RBMS3: variants seen among roughly 807,000 people sequenced by gnomAD.
The protein encoded by RBMS3 is RNA-binding motif, single-stranded-interacting protein 3.
RBMS3 carries 27 observed loss-of-function variants against 66.8 expected under a neutral mutation model. The observed-to-expected ratio is 0.40, with a 90% CI of 0.30 to 0.56. The LOEUF is 0.56. Ranked by LOEUF, RBMS3 falls within the 20% of genes least tolerant of loss-of-function variation. RBMS3 has a pLI of 0.40. For missense variants in RBMS3, 513 were observed against 549.5 expected, an observed-to-expected ratio of 0.93 and a Z score of 0.66; for synonymous variants, 188 against 183.0, an observed-to-expected ratio of 1.03 and a Z score of -0.22.
At chr3:29,578,700 A>T (rs2047209598) in intron 3 of RBMS3, among the ~76,000 whole-genome samples, 1 of 152,078 alleles carries the variant, frequency 6.6e-6, no homozygotes, top group Non-Finnish European at 1.5e-5. Flanking sequence ...CGGCTCTATA[A>T]GGAAATTTAG....
chr3:29,560,969 T>G (rs2149048048), intron 3 of RBMS3, among the ~76,000 whole-genome samples: 1 of 152,344 alleles, frequency 6.6e-6, no homozygotes, highest in Non-Finnish European at 1.5e-5. Context: ...TAGCTCCAAC[T>G]TATAAGTGAT....
intron 3 of RBMS3, among the ~76,000 whole-genome samples, chr3:29,542,225 A>G (rs1168057299): frequency 6.6e-6 from 1 of 152,152 alleles, no homozygotes; most frequent in Admixed American, 6.5e-5. Context: ...GAAAATAATA[A>G]CTATCCCCCT....
At chr3:29,488,077 G>T (rs1046749187) in intron 2 of RBMS3, among the ~76,000 whole-genome samples, 1 of 152,190 alleles carries the variant, frequency 6.6e-6, no homozygotes, top group East Asian at 1.9e-4. Context: ...TACAACACAA[G>T]GTGAGAGTCA....
chr3:29,982,055 G>A (rs1698032225), intron 12 of RBMS3, among the ~76,000 whole-genome samples: 1 of 152,100 alleles, frequency 6.6e-6, no homozygotes, highest in Non-Finnish European at 1.5e-5. Flanking sequence ...ATCTGCTCCT[G>A]GGCTTTTTTT....
At chr3:29,403,569 A>G (rs2039896825) in intron 1 of RBMS3, among the ~76,000 whole-genome samples, 1 of 152,124 alleles carries the variant, frequency 6.6e-6, no homozygotes, top group Admixed American at 6.6e-5. Context: ...GGCAGATCAG[A>G]CTGGAAGAAG....
intron 6 of RBMS3, among the ~76,000 whole-genome samples, chr3:29,792,652 G>A (rs1465500368): frequency 6.6e-6 from 1 of 152,150 alleles, no homozygotes; most frequent in African/African-American, 2.4e-5. Context: ...GTATCTGACA[G>A]GAGAATCAAA....
chr3:29,859,047 G>A (rs1003323264), intron 6 of RBMS3, among the ~76,000 whole-genome samples: 9 of 152,044 alleles, frequency 5.9e-5, no homozygotes, highest in African/African-American at 2.2e-4. Flanking sequence ...ATAAAATTAG[G>A]CATGTGCATG....
At chr3:29,933,645 ATTTTATT>A (rs1205950309) in intron 10 of RBMS3, among the ~76,000 whole-genome samples, 2 of 152,092 alleles carry the variant, frequency 1.3e-5, no homozygotes, top group Non-Finnish European at 2.9e-5. Flanking sequence ...AAGAATCCTT[ATTTTATT>A]TTTTATTTAT....
intron 2 of RBMS3, among the ~76,000 whole-genome samples, chr3:29,446,329 A>G (rs2041830533): frequency 2.0e-5 from 3 of 152,204 alleles, no homozygotes; most frequent in South Asian, 4.1e-4. Flanking sequence ...TTTATATAGC[A>G]GGAATAGTTA....
chr3:29,299,632 ATATAG>A (rs553228857), intron 1 of RBMS3, among the ~76,000 whole-genome samples: 176 of 152,088 alleles, frequency 1.2e-3, no homozygotes, highest in Non-Finnish European at 1.9e-3. Context: ...ACAAATAAAA[ATATAG>A]TATAGCAACT....
intron 14 of RBMS3, among the ~76,000 whole-genome samples, chr3:29,998,327 T>C (rs1187802829): frequency 6.6e-6 from 1 of 151,928 alleles, no homozygotes; most frequent in Non-Finnish European, 1.5e-5. Flanking sequence ...TATCGTGAAA[T>C]TGGCCATACT....
At chr3:29,532,244 ATG>A (rs10560463) in intron 3 of RBMS3, among the ~76,000 whole-genome samples, 44,639 of 113,770 alleles carry the variant, frequency 0.39, 10,146 homozygotes, top group African/African-American at 0.6. Flanking sequence ...TCGCATATAT[ATG>A]TATATATATA....
intron 8 of RBMS3, among the ~76,000 whole-genome samples, chr3:29,891,954 A>G (rs1195607779): frequency 2.0e-5 from 3 of 151,544 alleles, no homozygotes; most frequent in African/African-American, 7.3e-5. Flanking sequence ...TGTTTATTTC[A>G]ATATGTAAAT....
At chr3:29,537,116 A>G (rs1196528474) in intron 3 of RBMS3, among the ~76,000 whole-genome samples, 2 of 152,204 alleles carry the variant, frequency 1.3e-5, no homozygotes, top group Non-Finnish European at 2.9e-5. Flanking sequence ...TTATTATATT[A>G]ATAAAAATAA....
intron 2 of RBMS3, among the ~76,000 whole-genome samples, chr3:29,457,006 C>T (rs1210309039): frequency 6.6e-6 from 1 of 152,092 alleles, no homozygotes; most frequent in Non-Finnish European, 1.5e-5. Flanking sequence ...TTATGGTGAG[C>T]CACAGGAAAA....
At chr3:29,598,697 T>G (rs1348350857) in intron 4 of RBMS3, among the ~76,000 whole-genome samples, 1 of 152,014 alleles carries the variant, frequency 6.6e-6, no homozygotes, top group Non-Finnish European at 1.5e-5. Context: ...ATCTTTTTTA[T>G]TTTTCTCTTC....
chr3:29,594,664 T>A (rs556190021), intron 4 of RBMS3, among the ~76,000 whole-genome samples: 2 of 152,344 alleles, frequency 1.3e-5, no homozygotes, highest in East Asian at 3.9e-4. Flanking sequence ...GCTGGTCTTT[T>A]ACATGTCTAT....
At chr3:29,672,004 A>G (rs1479455212) in intron 4 of RBMS3, among the ~76,000 whole-genome samples, 2 of 152,210 alleles carry the variant, frequency 1.3e-5, no homozygotes, top group Admixed American at 1.3e-4. Context: ...AAAGGTTGTA[A>G]TGAAGGAAAA....
chr3:29,677,732 G>C (rs1317206127), intron 4 of RBMS3, among the ~76,000 whole-genome samples: 1 of 151,934 alleles, frequency 6.6e-6, no homozygotes, highest in Non-Finnish European at 1.5e-5. Context: ...CTGGAAAATA[G>C]GCCCTTTTTT....
Sources: allele counts gnomAD v4.1 joint callset (sites outside exome capture counted in the v4.1 genomes callset), GRCh38; gene constraint gnomAD v4.1.1; transcripts MANE v1.5; gene names NCBI Gene and HGNC (gene_info 2026-07-23, HGNC 2026-07-21).